SLCO4A1: variants seen among roughly 807,000 people sequenced by gnomAD.
The protein encoded by SLCO4A1 is colon organic anion transporter.
In SLCO4A1, 51 loss-of-function variants were observed where a neutral mutation model predicts 64.6. The observed-to-expected ratio is 0.79, with a 90% CI of 0.63 to 1.00. The LOEUF is 1.00. SLCO4A1 is among the 50% of genes least tolerant of loss of function. The probability of loss-of-function intolerance (pLI) is 0.00; values close to 1 mark genes in which losing one functional copy is unlikely to be tolerated. For synonymous variants in SLCO4A1, 471 were observed against 444.9 expected (o/e 1.06, Z -0.74); for missense variants, 919 against 980.5 (o/e 0.94, Z 0.84).
rs775940150 is a variant in SLCO4A1, at chr20:62,669,018, C to T, written c.1965C>T (p.Cys655=). The change falls in exon 11 of 12, where the codon TGC becomes TGT. Residue 655 remains cysteine (C), a synonymous_variant. Coordinates refer to ENST00000217159, the MANE Select transcript of SLCO4A1 (RefSeq NM_016354.4). ...WQDQCGQQGS[C]LVYQNSAMSR... is the part of the protein sequence containing the mutation. ...ACCAGTGTGGCCAGCAGGGCTCCTGCTTGGTGTACCAGAATTCGGCCATGA... is the reference window on the plus strand; with the variant it reads ...ACCAGTGTGGCCAGCAGGGCTCCTGTTTGGTGTACCAGAATTCGGCCATGA... The T allele has an allele frequency of 6.2e-7, 1 of 1,611,198 alleles. No homozygotes were observed. The highest frequency in any genetic ancestry group is 1.3e-5 in the African/African-American group (1 of 74,918).
chr20:62,661,040 C>CCCCCCCCCCCCCCCAAA lies in SLCO4A1; in HGVS notation c.1010-23_1010-22insCCCCCCCCCCCCCAAAC. Reference sequence around the variant, plus strand: ...CTCCGGGAGCCCCCAGCCCCCAGCCCCAGCTCACTCTGTGCCCTTCCAGGC... The same window carrying CCCCCCCCCCCCCCCAAA: ...CTCCGGGAGCCCCCAGCCCCCAGCCCCCCCCCCCCCCCCCAAACAGCTCACTCTGTGCCCTTCCAGGC... On this transcript the variant is annotated intron_variant, in intron 4 of 11. Transcript: ENST00000217159. The surrounding 1 kb of genome is among the most constrained non-coding windows in gnomAD (Gnocchi z 5.2). The CCCCCCCCCCCCCCCAAA allele has an allele frequency of 7.2e-7, 1 of 1,395,920 alleles. No individual in the cohort carries two copies. The highest frequency in any genetic ancestry group is 1.0e-6 in the Non-Finnish European group (1 of 984,524). 86.5% of individuals were successfully genotyped at this position (1,395,920 alleles called of 1,614,324 possible).
chr20:62,661,037 G>GCC lies in SLCO4A1; in HGVS notation c.1010-24_1010-23dup. The GCC allele has an allele frequency of 1.9e-6, 1 of 539,610 alleles. No homozygotes were observed. The highest frequency in any genetic ancestry group is 3.6e-6 in the Non-Finnish European group (1 of 274,960). The allele number at this position is 539,610 out of a possible 1,614,324, so 33.4% of individuals were successfully genotyped here. ...CACCTCCGGGAGCCCCCAGCCCCCA[G>GCC]CCCCAGCTCACTCTGTGCCCTTCCA... On this transcript the variant is annotated intron_variant, in intron 4 of 11. Transcript: ENST00000217159. This position sits in a 1 kb window ranked among gnomAD's most constrained non-coding sequence, Gnocchi z 5.2.
chr20:62,666,414 C>T lies in SLCO4A1; in HGVS notation c.1311C>T (p.Thr437=), dbSNP rs200247255. ...TGGTGCCAGCGGGTGGTGGCGGCAC[C>T]TTCCTGGGCGGCTTCTTTGTGAACA... The part of the protein sequence containing the change: ...YLVVPAGGGG[T]FLGGFFVNKL... Residue 437 remains threonine (T), a synonymous_variant, in exon 7 of 12, where the codon ACC becomes ACT. Coordinates refer to ENST00000217159, the MANE Select transcript of SLCO4A1 (RefSeq NM_016354.4). 302 of 1,613,124 alleles carry T rather than the reference C, an allele frequency of 1.9e-4. No homozygotes were observed. The Middle Eastern group carries it at 2.0e-3, about 11-fold the overall frequency.
chr20:62,642,725 G>T (rs1354843686), intron 1 of SLCO4A1, among the ~76,000 whole-genome samples, 172 bp downstream of exon 1: 1 of 152,112 alleles, frequency 6.6e-6, no homozygotes, highest in Admixed American at 6.5e-5. Context: ...CGCGGGGGAG[G>T]GCAGGACCGA....
In SLCO4A1 at chr20:62,661,107, G is replaced by GT. The variant is rs757824029; in HGVS notation, c.1055dup (p.Leu352PhefsTer201). ...TCATGAGAGCGGCGGAAATGCACCAGTTGAAGGACAGCAGCCGTGGGGAGG... is the reference window on the plus strand; with the variant it reads ...TCATGAGAGCGGCGGAAATGCACCAGTTTGAAGGACAGCAGCCGTGGGGAGG... On this transcript the variant is annotated frameshift_variant, in exon 5 of 12. Coordinates refer to ENST00000217159, the MANE Select transcript of SLCO4A1 (RefSeq NM_016354.4). LOFTEE classifies it high-confidence loss of function. The surrounding 1 kb of genome is among the most constrained non-coding windows in gnomAD (Gnocchi z 5.2). The GT allele has an allele frequency of 3.4e-6, 5 of 1,470,186 alleles. No individual in the cohort carries two copies. Among genetic ancestry groups the GT allele is most frequent in the Non-Finnish European group, 4.6e-6 (5 of 1,086,408 alleles). The allele number at this position is 1,470,186 out of a possible 1,614,324, so 91.1% of individuals were successfully genotyped here.
intron 7 of SLCO4A1, chr20:62,667,446 C>T (rs1360779251): frequency 7.7e-6 from 3 of 390,994 alleles, no homozygotes; most frequent in African/African-American, 2.0e-5. Context: ...GTATTTGATC[C>T]ATATGAATGT....
rs1325102807 is a variant in SLCO4A1, at chr20:62,666,118, G to GCCCCC, written c.1277-261_1277-260insCCCCC. On this transcript the variant is annotated intron_variant, in intron 6 of 11. Coordinates refer to ENST00000217159, the MANE Select transcript of SLCO4A1 (RefSeq NM_016354.4). ...TCCCCCCGCCCCGCCCCGCCCCCCCGCTCCCCCTTCCCCTTCCCCTTCCCC... is the reference window on the plus strand; with the variant it reads ...TCCCCCCGCCCCGCCCCGCCCCCCCGCCCCCCTCCCCCTTCCCCTTCCCCTTCCCC... 3.8e-5 allele frequency: 2 copies of GCCCCC among 52,850 alleles called. 1 individual carries two copies. The highest frequency in any genetic ancestry group is 7.0e-5 in the Non-Finnish European group (2 of 28,636). 3.3% of individuals were successfully genotyped at this position (52,850 alleles called of 1,614,324 possible).
chr20:62,673,298 G>A (rs1291993225), downstream of SLCO4A1, among the ~76,000 whole-genome samples: 2 of 142,902 alleles, frequency 1.4e-5, no homozygotes, highest in Non-Finnish European at 3.2e-5. Context: ...GGGAGCCAGG[G>A]AAGTGGATCG....
chr20:62,657,349 C>A (rs369180614), intron 2 of SLCO4A1, 99 bp downstream of exon 2: 1 of 1,143,496 alleles, frequency 8.7e-7, no homozygotes, highest in Non-Finnish European at 1.2e-6. Context: ...CCCCTGCCTT[C>A]GTGTACCCCT....
Position 62,657,212 on chromosome 20 carries a change from A to G in SLCO4A1, c.758A>G (p.Asp253Gly), listed in dbSNP as rs986372690. The G allele has an allele frequency of 1.9e-6, 3 of 1,543,070 alleles. No individual in the cohort carries two copies. Among genetic ancestry groups the G allele is most frequent in the East Asian group, 4.9e-5 (2 of 40,682 alleles). ...PLYTLGVTYL[D>G]ENVKSSCSPV... Reference sequence around the variant, plus strand: ...TACACGCTGGGCGTCACCTACCTGGATGAGAACGTCAAGTCCAGCTGCTCG... The same window carrying G: ...TACACGCTGGGCGTCACCTACCTGGGTGAGAACGTCAAGTCCAGCTGCTCG... The change falls in exon 2 of 12, where the codon GAT becomes GGT. Residue 253 changes from aspartate (D) to glycine (G), a missense_variant. Transcript: ENST00000217159.
chr20:62,645,243 T>C lies in SLCO4A1; in HGVS notation c.-97+2690T>C, dbSNP rs1191196615. On this transcript the variant is annotated intron_variant, in intron 1 of 11. Coordinates refer to ENST00000217159, the MANE Select transcript of SLCO4A1 (RefSeq NM_016354.4). This position sits in a 1 kb window ranked among gnomAD's most constrained non-coding sequence, Gnocchi z 4.2. ...GGTGCCAGTAACTCACATGCTAGGT[T>C]AACAGGTTCTGGGTGACTCTGAGCC... 2.6e-5 allele frequency among the ~76,000 whole-genome samples: 4 copies of C among 152,084 alleles called. No individual in the cohort carries two copies. Among genetic ancestry groups the C allele is most frequent in the Non-Finnish European group, 4.4e-5 (3 of 68,014 alleles).
chr20:62,646,402 A>C (rs1406620920), intron 1 of SLCO4A1, among the ~76,000 whole-genome samples: 1 of 152,254 alleles, frequency 6.6e-6, no homozygotes, highest in Admixed American at 6.5e-5. Context: ...CAGAGGACAA[A>C]GAGAGCTGTG....
downstream of SLCO4A1, among the ~76,000 whole-genome samples, chr20:62,687,962 C>T (rs568186215): frequency 2.0e-5 from 3 of 152,234 alleles, no homozygotes; most frequent in South Asian, 6.2e-4. Context: ...CAGCCACCCC[C>T]GGGCCTTACC....
In SLCO4A1 at chr20:62,658,657, C is replaced by T. The variant is rs374468853; in HGVS notation, c.797-20C>T. 2.7e-5 allele frequency: 43 copies of T among 1,598,964 alleles called. No individual in the cohort carries two copies. Among genetic ancestry groups the T allele is most frequent in the South Asian group, 2.1e-4 (19 of 89,082 alleles). On this transcript the variant is annotated intron_variant, in intron 2 of 11. Coordinates refer to ENST00000217159, the MANE Select transcript of SLCO4A1 (RefSeq NM_016354.4). ...CCTGGGTGGTGCACAGCGGCCCTGA[C>T]GCCTCTGCCTCTCTCGCAGCCATCT...
intron 3 of SLCO4A1, 98 bp downstream of exon 3, chr20:62,658,865 C>T (rs760275179): frequency 3.1e-5 from 34 of 1,086,676 alleles, no homozygotes; most frequent in Admixed American, 1.3e-4. Context: ...TCAGGCCGGG[C>T]GCGGCGCAGG....
At chr20:62,684,835 G>T (rs1372344458) in intron 2 of SLCO4A1, among the ~76,000 whole-genome samples, 1 of 152,154 alleles carries the variant, frequency 6.6e-6, no homozygotes, top group South Asian at 2.1e-4. Flanking sequence ...GACCTCATTA[G>T]CCCGTGCTCC....
At chr20:62,686,447 C>T (rs980931278), downstream of SLCO4A1, among the ~76,000 whole-genome samples, 1 of 152,122 alleles carries the variant, frequency 6.6e-6, no homozygotes, top group Non-Finnish European at 1.5e-5. Context: ...CCACCAAGGG[C>T]CGGGGACAGA....
chr20:62,687,972 C>G (rs1988120366), downstream of SLCO4A1, among the ~76,000 whole-genome samples: 6 of 152,040 alleles, frequency 3.9e-5, no homozygotes, highest in Admixed American at 3.9e-4. Context: ...CGGGCCTTAC[C>G]CACCCCCACC....
At chr20:62,642,735 A>G (rs964167185) in intron 1 of SLCO4A1, among the ~76,000 whole-genome samples, 182 bp downstream of exon 1, 2 of 152,138 alleles carry the variant, frequency 1.3e-5, no homozygotes, top group Admixed American at 1.3e-4. Flanking sequence ...GGCAGGACCG[A>G]GCGGAATCGG....
Sources: gnomAD v4.1 joint callset for allele counts (sites outside exome capture counted in the v4.1 genomes callset) on GRCh38, gnomAD v4.1.1 for gene constraint, Gnocchi (gnomAD v3.1) non-coding constraint, MANE v1.5 for transcripts, NCBI Gene and HGNC (gene_info 2026-07-23, HGNC 2026-07-21) for gene names.